The following CD1D variants were observed in gnomAD, a reference collection of about 807,000 sequenced individuals.
CD1D encodes CD1d molecule, also known as antigen-presenting glycoprotein CD1d.
CD1D carries 40 observed loss-of-function variants against 42.1 expected under a neutral mutation model. The observed-to-expected ratio is 0.95, with a 90% CI of 0.74 to 1.24. The LOEUF (loss-of-function observed/expected upper bound fraction) is 1.24, where lower values mean the gene tolerates loss of function less well. Ranked by LOEUF, CD1D falls within the 50% of genes most tolerant of loss-of-function variation. The probability of loss-of-function intolerance (pLI) is 0.00; values close to 1 mark genes in which losing one functional copy is unlikely to be tolerated. For missense variants in CD1D, 437 were observed against 416.5 expected, an observed-to-expected ratio of 1.05 and a Z score of -0.43; for synonymous variants, 178 against 171.8, an observed-to-expected ratio of 1.04 and a Z score of -0.28.
intron 3 of CD1D, 93 bp downstream of exon 3, chr1:158,182,403 A>G: frequency 2.1e-6 from 3 of 1,429,402 alleles, no homozygotes; most frequent in Non-Finnish European, 3.0e-6. Flanking sequence ...GCATTCAAAG[A>G]AGAGGAAGGC....
intron 2 of CD1D, 130 bp downstream of exon 2, chr1:158,181,851 A>G (rs1380217113): frequency 2.9e-6 from 4 of 1,369,770 alleles, no homozygotes; most frequent in Non-Finnish European, 4.0e-6. Context: ...TTTCCCTTCT[A>G]CCTGGAGATG....
upstream of CD1D, among the ~76,000 whole-genome samples, chr1:158,178,935 C>A (rs1323764883): frequency 6.6e-6 from 1 of 152,098 alleles, no homozygotes; most frequent in African/African-American, 2.4e-5. Context: ...GAAAAAATAT[C>A]CGTATAATTC....
In CD1D at chr1:158,185,433, A is replaced by AGGCAT. The variant is rs1648663754; in HGVS notation, c.*1283_*1284insGGCAT. On this transcript the variant is annotated 3_prime_UTR_variant, in exon 6 of 6. Transcript: ENST00000674085. ...TCCCAAAGCACTTGGATATGCCTATAATCCAAGTGCTTTGGGAGGCTGAGA... is the reference window on the plus strand; with the variant it reads ...TCCCAAAGCACTTGGATATGCCTATAGGCATATCCAAGTGCTTTGGGAGGCTGAGA... 6.6e-6 allele frequency among the ~76,000 whole-genome samples: 1 copy of AGGCAT among 152,116 alleles called. No homozygotes were observed. Among genetic ancestry groups the AGGCAT allele is most frequent in the Non-Finnish European group, 1.5e-5 (1 of 67,982 alleles).
chr1:158,186,214 C>T lies in CD1D; in HGVS notation c.*2064C>T, dbSNP rs909647157. ...TGTTGCTGTGTTTGGTACCACATTG[C>T]CCACCCTCACGTGGCGCTCTTCAGC... On this transcript the variant is annotated 3_prime_UTR_variant, in exon 6 of 6. Coordinates refer to ENST00000674085, the MANE Select transcript of CD1D (RefSeq NM_001371762.2). Among the ~76,000 whole-genome samples the T allele has an allele frequency of 6.6e-6, 1 of 152,126 alleles. No homozygotes were observed. Among genetic ancestry groups the T allele is most frequent in the African/African-American group, 2.4e-5 (1 of 41,422 alleles).
At position 158,180,937 on chromosome 1, in the gene CD1D, C is replaced by G. The variant is rs1648361774; in HGVS notation, c.-165C>G. 1.8e-6 allele frequency: 1 copy of G among 559,510 alleles called. No homozygotes were observed. The highest frequency in any genetic ancestry group is 2.9e-6 in the Non-Finnish European group (1 of 342,400). The allele number at this position is 559,510 out of a possible 1,614,324, so 34.7% of individuals were successfully genotyped here. On this transcript the variant is annotated 5_prime_UTR_variant, in exon 1 of 6. Coordinates refer to ENST00000674085, the MANE Select transcript of CD1D (RefSeq NM_001371762.2). ...GGGCGAGGGCGCCCTTCGGCAGAAG[C>G]AGCAAACCGCCGGCAAGCCCAGCGA...
chr1:158,182,797 C>CA (rs1195889231), intron 3 of CD1D, 81 bp from the exon 4 acceptor site: 4 of 1,476,812 alleles, frequency 2.7e-6, no homozygotes, highest in Admixed American at 4.5e-5. Context: ...ACCTGAAAGT[C>CA]AAAAAGGATG....
In CD1D at chr1:158,181,645, G is replaced by A. The variant is rs775440377; in HGVS notation, c.252G>A (p.Leu84=). Residue 84 remains leucine, a synonymous_variant, in exon 2 of 6, where the codon CTG becomes CTA. Transcript: ENST00000674085. ...GTFSDQQWET[L]QHIFRVYRSS... The stretch of plus-strand genomic sequence containing the variant: ...TCAGCGACCAGCAGTGGGAGACGCT[G>A]CAGCATATATTTCGGGTTTATCGAA... 1.9e-6 allele frequency: 3 copies of A among 1,613,918 alleles called. No individual in the cohort carries two copies. The African/African-American group carries it at 4.0e-5, about 22-fold the overall frequency.
upstream of CD1D, chr1:158,180,848 A>T (rs575553325): frequency 2.4e-5 from 10 of 423,828 alleles, no homozygotes; most frequent in African/African-American, 4.1e-5. Context: ...TGTGAAACCT[A>T]CTGAAGTGAG....
Position 158,182,262 on chromosome 1 carries a change from T to A in CD1D, c.559T>A (p.Phe187Ile), listed in dbSNP as rs758632260. ...GCTCCTTAATGGCACCTGCCCCCAA[T>A]TTGTCAGTGGCCTCCTTGAGTCAGG... ...QWLLNGTCPQ[F>I]VSGLLESGKS... The change falls in exon 3 of 6, where the codon TTT becomes ATT. Residue 187 changes from phenylalanine to isoleucine, a missense_variant. Coordinates refer to ENST00000674085, the MANE Select transcript of CD1D (RefSeq NM_001371762.2). 1 of 1,614,050 alleles carries A rather than the reference T, an allele frequency of 6.2e-7. No individual in the cohort carries two copies. Among genetic ancestry groups the A allele is most frequent in the East Asian group, 2.2e-5 (1 of 44,868 alleles).
intron 5 of CD1D, 45 bp downstream of exon 5, chr1:158,184,080 C>T (rs762590267): frequency 1.1e-5 from 17 of 1,613,602 alleles, no homozygotes; most frequent in Non-Finnish European, 1.4e-5. Context: ...CCCCTTCATT[C>T]CTGGCTTCCC....
intron 4 of CD1D, among the ~76,000 whole-genome samples, chr1:158,183,497 C>CTAACCT (rs1648556892): frequency 6.6e-6 from 1 of 152,200 alleles, no homozygotes; most frequent in Non-Finnish European, 1.5e-5. Context: ...GCAAAGATAG[C>CTAACCT]TTGGTTGGTT....
Position 158,182,165 on chromosome 1 carries a change from G to A in CD1D, c.462G>A (p.Glu154=), listed in dbSNP as rs1237224499. The change falls in exon 3 of 6, where the codon GAG becomes GAA. Residue 154 remains glutamate (E), a synonymous_variant. Coordinates refer to ENST00000674085, the MANE Select transcript of CD1D (RefSeq NM_001371762.2). ...FQGTSWEPTQ[E]APLWVNLAIQ... is the part of the protein sequence containing the mutation. ...GAACTTCTTGGGAGCCAACCCAAGA[G>A]GCCCCACTTTGGGTAAACTTGGCCA... The A allele has an allele frequency of 1.9e-6, 3 of 1,614,164 alleles. No individual in the cohort carries two copies. The highest frequency in any genetic ancestry group is 4.5e-5 in the East Asian group (2 of 44,876).
intron 3 of CD1D, 35 bp from the exon 4 acceptor site, chr1:158,182,843 C>T (rs1553250571): frequency 1.3e-6 from 2 of 1,562,214 alleles, no homozygotes; most frequent in Non-Finnish European, 1.7e-6. Context: ...AGAGTTTTCA[C>T]TTTAAGATCC....
At chr1:158,181,953 C>A in intron 2 of CD1D, 79 bp from the exon 3 acceptor site, 2 of 1,503,558 alleles carry the variant, frequency 1.3e-6, no homozygotes, top group Non-Finnish European at 1.8e-6. Flanking sequence ...CCCATTATAA[C>A]CTGCACATCA....
In CD1D at chr1:158,181,457, C is replaced by T; in HGVS notation, c.64C>T (p.Pro22Ser). The T allele has an allele frequency of 2.5e-6, 4 of 1,613,678 alleles. No individual in the cohort carries two copies. The highest frequency in any genetic ancestry group is 3.4e-6 in the Non-Finnish European group (4 of 1,179,720). Reference sequence around the variant, plus strand: ...CTCCAATCTTCATTCTCTCCCAGTCCCGCAAAGGCTTTTCCCCCTCCGCTG... The same window carrying T: ...CTCCAATCTTCATTCTCTCCCAGTCTCGCAAAGGCTTTTCCCCCTCCGCTG... ...LLQAWGSAEV[P>S]QRLFPLRCLQ... The change falls in exon 2 of 6, where the codon CCG (proline) becomes TCG (serine). Residue 22 changes from proline to serine, a missense_variant and splice_region_variant. Physicochemically the swap from Pro to Ser is moderately conservative, Grantham distance 74. Coordinates refer to ENST00000674085, the MANE Select transcript of CD1D (RefSeq NM_001371762.2).
chr1:158,183,597 C>T (rs748991439), intron 4 of CD1D, among the ~76,000 whole-genome samples: 8 of 152,252 alleles, frequency 5.3e-5, no homozygotes, highest in East Asian at 1.9e-4. Flanking sequence ...CTGCTCTTTT[C>T]GTTATATAGA....
intron 3 of CD1D, 54 bp from the exon 4 acceptor site, chr1:158,182,824 C>A (rs2101580504): frequency 6.5e-7 from 1 of 1,542,218 alleles, no homozygotes; most frequent in East Asian, 2.3e-5. Context: ...GGCCTGGAGC[C>A]TCTAATGCAG....
chr1:158,182,904 G>T lies in CD1D; in HGVS notation c.634G>T (p.Gly212Cys), dbSNP rs1342871267. Residue 212 changes from glycine (G) to cysteine (C), a missense_variant, in exon 4 of 6, where the codon GGC (glycine) becomes TGC (cysteine). Physicochemically the swap from Gly to Cys is radical, Grantham distance 159. Coordinates refer to ENST00000674085, the MANE Select transcript of CD1D (RefSeq NM_001371762.2). ...GAAGCCCAAGGCCTGGCTGTCCCGTGGCCCCAGTCCTGGCCCTGGCCGTCT... is the reference window on the plus strand; with the variant it reads ...GAAGCCCAAGGCCTGGCTGTCCCGTTGCCCCAGTCCTGGCCCTGGCCGTCT... ...QVKPKAWLSR[G>C]PSPGPGRLLL... The T allele has an allele frequency of 6.2e-7, 1 of 1,611,968 alleles. No individual in the cohort carries two copies. The highest frequency in any genetic ancestry group is 1.7e-5 in the Admixed American group (1 of 59,948).
rs140353863 is a variant in CD1D, at chr1:158,184,014, C to T, written c.965C>T (p.Thr322Ile). 25 of 1,614,188 alleles carry T rather than the reference C, an allele frequency of 1.5e-5. No homozygotes were observed. In the African/African-American group the frequency reaches 2.9e-4, roughly 19 times the overall value. Residue 322 changes from threonine (T) to isoleucine (I), a missense_variant, in exon 5 of 6, where the codon ACC becomes ATC. Transcript: ENST00000674085. ...CTGTTCCTCCTCATTGTGGGCTTTA[C>T]CTCCCGGTTTAAGAGGCAAACGTAA... ...CLLFLLIVGF[T>I]SRFKRQTSYQ... is the part of the protein sequence containing the mutation.
Sources: allele counts gnomAD v4.1 joint callset (sites outside exome capture counted in the v4.1 genomes callset), GRCh38; gene constraint gnomAD v4.1.1; transcripts MANE v1.5; gene names NCBI Gene and HGNC (gene_info 2026-07-23, HGNC 2026-07-21).